The following JAG1 variants were observed in gnomAD, a reference collection of about 807,000 sequenced individuals.
The protein encoded by JAG1 is jagged canonical Notch ligand 1.
JAG1 carries 23 observed loss-of-function variants against 148.7 expected under a neutral mutation model. The ratio of observed to expected loss-of-function variants is 0.15; its 90% confidence interval spans 0.11 to 0.22. JAG1 has a LOEUF of 0.22. Ranked by LOEUF, JAG1 falls within the 10% of genes least tolerant of loss-of-function variation. JAG1 has a pLI of 1.00. For synonymous variants in JAG1, 572 were observed against 598.3 expected (o/e 0.96, Z 0.64); for missense variants, 1,054 against 1,611.2 (o/e 0.65, Z 5.92).
intron 8 of JAG1, chr20:10,650,778 A>ACG: frequency 3.9e-6 from 1 of 256,146 alleles, no homozygotes. Context: ...TGCCCAAAAT[A>ACG]GCACACCTAG....
intron 14 of JAG1, 101 bp downstream of exon 14, chr20:10,646,838 A>T: frequency 1.6e-6 from 2 of 1,267,852 alleles, no homozygotes; most frequent in Non-Finnish European, 2.3e-6. Context: ...AAAAAAAAAA[A>T]AAACTTTCAA....
chr20:10,647,166 A>G lies in JAG1; in HGVS notation c.1721-63T>C, dbSNP rs971099367. On this transcript the variant is annotated intron_variant, in intron 13 of 25. Coordinates refer to ENST00000254958, the MANE Select transcript of JAG1 (RefSeq NM_000214.3). ...CCCACAGATGCGGCATTCCTAAGCC[A>G]AGGGCCTGGGCCAAGCCCACTTTCC... The G allele has an allele frequency of 5.0e-6, 8 of 1,600,880 alleles. No individual in the cohort carries two copies. The Admixed American group carries it at 8.4e-5, about 17-fold the overall frequency.
At chr20:10,647,903 A>G in intron 13 of JAG1, 57 bp downstream of exon 13, 1 of 1,577,812 alleles carries the variant, frequency 6.3e-7, no homozygotes, top group Non-Finnish European at 8.7e-7. Flanking sequence ...AGTGGTAGTA[A>G]GTGGGGACAA....
chr20:10,646,091 A>G lies in JAG1; in HGVS notation c.1886-7T>C. 1 of 1,597,550 alleles carries G rather than the reference A, an allele frequency of 6.3e-7. No individual in the cohort carries two copies. The highest frequency in any genetic ancestry group is 8.6e-7 in the Non-Finnish European group (1 of 1,164,914). Reference sequence around the variant, plus strand: ...CTCTCACAGTCATTAATATCTATGAAACAAAGTAAAGCAAAAAAAGAACTG... The same window carrying G: ...CTCTCACAGTCATTAATATCTATGAGACAAAGTAAAGCAAAAAAAGAACTG... On this transcript the variant is annotated splice_polypyrimidine_tract_variant and splice_region_variant and intron_variant, in intron 14 of 25. Coordinates refer to ENST00000254958, the MANE Select transcript of JAG1 (RefSeq NM_000214.3).
chr20:10,668,675 T>G (rs1442961173), intron 2 of JAG1, among the ~76,000 whole-genome samples: 1 of 152,122 alleles, frequency 6.6e-6, no homozygotes, highest in African/African-American at 2.4e-5. Flanking sequence ...GACACTGTTT[T>G]TTTTTTTTTA....
Position 10,673,166 on chromosome 20 carries a change from CAAA to C in JAG1, c.82-163_82-161del, listed in dbSNP as rs33929314. On this transcript the variant is annotated intron_variant, in intron 1 of 25. Coordinates refer to ENST00000254958, the MANE Select transcript of JAG1 (RefSeq NM_000214.3). The surrounding 1 kb of genome is among the most constrained non-coding windows in gnomAD (Gnocchi z 4.7). ...TCAAGGACTCAACATGATTCCGGGG[CAAA>C]AAAAAAAAAAAATGCACGAGTGCGG... is the stretch of plus-strand genomic sequence containing the variant. The C allele has an allele frequency of 1.1e-3, 632 of 587,224 alleles. No individual in the cohort carries two copies. Among genetic ancestry groups the C allele is most frequent in the Middle Eastern group, 1.8e-3 (4 of 2,210 alleles). 36.4% of individuals were successfully genotyped at this position (587,224 alleles called of 1,614,324 possible).
chr20:10,640,708 ACCTGATGG>A, intron 25 of JAG1, 67 bp downstream of exon 25: 1 of 1,506,410 alleles, frequency 6.6e-7, no homozygotes, highest in South Asian at 1.1e-5. Flanking sequence ...TAATCCCTCG[ACCTGATGG>A]CTTTATTGAA....
chr20:10,656,872 T>TAAAAA (rs33952645), intron 4 of JAG1, among the ~76,000 whole-genome samples: 3 of 113,366 alleles, frequency 2.6e-5, no homozygotes, highest in Admixed American at 9.3e-5. Context: ...CCTCAGCCTT[T>TAAAAA]AAAAAAAAAA....
In JAG1 at chr20:10,639,122, ACAACT is replaced by A; in HGVS notation, c.*371_*375del. 3.8e-6 allele frequency: 1 copy of A among 261,336 alleles called. No homozygotes were observed. Among genetic ancestry groups the A allele is most frequent in the South Asian group, 5.2e-5 (1 of 19,224 alleles). 16.2% of individuals were successfully genotyped at this position (261,336 alleles called of 1,614,324 possible). ...GTCATCATAAAACCAATATACAAAA[ACAACT>A]CAAGAGTCAATAAATATAAATAAAA... is the stretch of plus-strand genomic sequence containing the variant. On this transcript the variant is annotated 3_prime_UTR_variant, in exon 26 of 26. Coordinates refer to ENST00000254958, the MANE Select transcript of JAG1 (RefSeq NM_000214.3).
Position 10,645,325 on chromosome 20 carries a change from G to C in JAG1, c.2113+31C>G. On this transcript the variant is annotated intron_variant, in intron 16 of 25. Transcript: ENST00000254958. This position sits in a 1 kb window ranked among gnomAD's most constrained non-coding sequence, Gnocchi z 6.1. ...ACAGAAGACAGAGGGAAGGGTCCCA[G>C]AGATAGCATCCAAGGCCAACTACCA... is the stretch of plus-strand genomic sequence containing the variant. 6.2e-7 allele frequency: 1 copy of C among 1,606,018 alleles called. No homozygotes were observed. The highest frequency in any genetic ancestry group is 1.1e-5 in the South Asian group (1 of 90,930).
chr20:10,662,691 C>T (rs909206510), intron 3 of JAG1, among the ~76,000 whole-genome samples: 1 of 152,086 alleles, frequency 6.6e-6, no homozygotes. Flanking sequence ...GTGTCTATGA[C>T]CCTGACTGGC....
chr20:10,672,832 C>T lies in JAG1; in HGVS notation c.256G>A (p.Val86Ile), dbSNP rs1052284765. ...AAGCTGCAGGGCCCCCCGGCCGTGA[C>T]GCGGGACTGATACTCCTTGAGGCAC... ...KVCLKEYQSR[V>I]TAGGPCSFGS... The change falls in exon 2 of 26, where the codon GTC becomes ATC. Residue 86 changes from valine to isoleucine, a missense_variant. Val to Ile is a conservative substitution (Grantham distance 29). Coordinates refer to ENST00000254958, the MANE Select transcript of JAG1 (RefSeq NM_000214.3). The T allele has an allele frequency of 6.2e-7, 1 of 1,613,280 alleles. No homozygotes were observed. Among genetic ancestry groups the T allele is most frequent in the African/African-American group, 1.3e-5 (1 of 75,072 alleles).
At chr20:10,647,150 G>T (rs774662337) in intron 13 of JAG1, 47 bp from the exon 14 acceptor site, 17 of 1,610,880 alleles carry the variant, frequency 1.1e-5, no homozygotes, top group Non-Finnish European at 1.4e-5. Context: ...ACCCACAGAT[G>T]CGGCATTCCT....
Position 10,645,514 on chromosome 20 carries a change from C to G in JAG1, c.2000-45G>C. On this transcript the variant is annotated intron_variant, in intron 15 of 25. Coordinates refer to ENST00000254958, the MANE Select transcript of JAG1 (RefSeq NM_000214.3). The surrounding 1 kb of genome is among the most constrained non-coding windows in gnomAD (Gnocchi z 6.1). ...AATCGGCTGAAGACGAGATCCAGGA[C>G]CATTCACGACAGGCGAGAGCCAAGC... 1 of 1,489,986 alleles carries G rather than the reference C, an allele frequency of 6.7e-7. No homozygotes were observed. The highest frequency in any genetic ancestry group is 9.4e-7 in the Non-Finnish European group (1 of 1,068,822). 92.3% of individuals were successfully genotyped at this position (1,489,986 alleles called of 1,614,324 possible).
intron 23 of JAG1, 50 bp from the exon 24 acceptor site, chr20:10,641,294 C>T (rs766389416): frequency 6.2e-7 from 1 of 1,609,530 alleles, no homozygotes; most frequent in East Asian, 2.2e-5. Flanking sequence ...AGAGGAAGAA[C>T]AAAAGGCTGA....
intron 25 of JAG1, 79 bp downstream of exon 25, chr20:10,640,704 C>G: frequency 6.7e-7 from 1 of 1,494,924 alleles, no homozygotes. Flanking sequence ...CAGATAATCC[C>G]TCGACCTGAT....
chr20:10,656,444 C>T lies in JAG1; in HGVS notation c.709G>A (p.Gly237Ser), dbSNP rs1307772971. The change falls in exon 5 of 26, where the codon GGC becomes AGC. Residue 237 changes from glycine to serine, a missense_variant. Coordinates refer to ENST00000254958, the MANE Select transcript of JAG1 (RefSeq NM_000214.3). ...CAAGACCCATGCTTAGGACTGCAGC[C>T]TTGTCGGCAAATAGCTGTAAAAAAC... ...PECNRAICRQ[G>S]CSPKHGSCKL... 2.5e-6 allele frequency: 4 copies of T among 1,614,020 alleles called. No individual in the cohort carries two copies. The highest frequency in any genetic ancestry group is 3.4e-6 in the Non-Finnish European group (4 of 1,179,924).
chr20:10,649,063 G>A lies in JAG1; in HGVS notation c.1393C>T (p.Arg465Trp), dbSNP rs937263997. 4 of 1,608,056 alleles carry A rather than the reference G, an allele frequency of 2.5e-6. No homozygotes were observed. The highest frequency in any genetic ancestry group is 2.2e-5 in the East Asian group (1 of 44,846). The change falls in exon 11 of 26, where the codon CGG (arginine) becomes TGG (tryptophan). Residue 465 changes from arginine (R) to tryptophan (W), a missense_variant and splice_region_variant. Physicochemically the swap from Arg to Trp is moderately radical, Grantham distance 101. Transcript: ENST00000254958. Reference sequence around the variant, plus strand: ...GATTTAAGCAAAGATTTACATACCCGACAGGAGGCGTCATTCTGACACTGG... The same window carrying A: ...GATTTAAGCAAAGATTTACATACCCAACAGGAGGCGTCATTCTGACACTGG... The part of the protein sequence containing the change: ...LGQCQNDASC[R>W]DLVNGYRCIC...
rs1376922068 is a variant in JAG1 at position 10,652,666 on chromosome 20, G to A, written c.756-68C>T. On this transcript the variant is annotated intron_variant, in intron 5 of 25. Transcript: ENST00000254958. Reference sequence around the variant, plus strand: ...TAAGAGACACCTGTACAATTCAAATGGAAGACTGCAAAGTCCAGGCTTTTT... The same window carrying A: ...TAAGAGACACCTGTACAATTCAAATAGAAGACTGCAAAGTCCAGGCTTTTT... 60 of 1,541,420 alleles carry A rather than the reference G, an allele frequency of 3.9e-5. No homozygotes were observed. In the South Asian group the frequency reaches 5.2e-4, roughly 13 times the overall value.
Sources: gnomAD v4.1 joint callset for allele counts (sites outside exome capture counted in the v4.1 genomes callset) on GRCh38, gnomAD v4.1.1 for gene constraint, Gnocchi (gnomAD v3.1) non-coding constraint, MANE v1.5 for transcripts, NCBI Gene and HGNC (gene_info 2026-07-23, HGNC 2026-07-21) for gene names.